WDFY4: variants seen among roughly 807,000 people sequenced by gnomAD.
The protein encoded by WDFY4 is WD repeat- and FYVE domain-containing protein 4.
A neutral mutation model predicts 351.9 loss-of-function variants in WDFY4; 169 were observed. The observed-to-expected ratio is 0.48, with a 90% CI of 0.42 to 0.55. The LOEUF is 0.55. Among genes scored for constraint, WDFY4 ranks in the 20% least tolerant of loss-of-function variants. WDFY4 has a pLI of 0.00. For synonymous variants in WDFY4, 1,622 were observed against 1,574.6 expected (o/e 1.03, Z -0.71); for missense variants, 3,803 against 3,935.6 (o/e 0.97, Z 0.90).
chr10:48,960,226 A>G (rs1458508932), intron 53 of WDFY4, among the ~76,000 whole-genome samples: 2 of 152,238 alleles, frequency 1.3e-5, no homozygotes, highest in East Asian at 1.9e-4. Context: ...CTTATTACCC[A>G]AAAAACTGGA....
At chr10:48,720,190 G>A in intron 3 of WDFY4, 65 bp downstream of exon 3, 1 of 1,460,706 alleles carries the variant, frequency 6.8e-7, no homozygotes, top group South Asian at 1.2e-5. Context: ...TGCCCTCCCA[G>A]GCCTCTCAGG....
chr10:48,914,023 A>C, intron 47 of WDFY4: 1 of 1,614,190 alleles, frequency 6.2e-7, no homozygotes, highest in Non-Finnish European at 8.5e-7. Flanking sequence ...CGCAGAATAC[A>C]CTTGGGGAAG....
chr10:48,812,258 C>T (rs757982396), intron 30 of WDFY4, among the ~76,000 whole-genome samples: 10 of 143,734 alleles, frequency 7.0e-5, no homozygotes, highest in African/African-American at 2.5e-4. Context: ...GGCGTGATCT[C>T]GGCTCACTGC....
intron 1 of WDFY4, among the ~76,000 whole-genome samples, chr10:48,693,723 G>T (rs1490805205): frequency 6.6e-6 from 1 of 152,180 alleles, no homozygotes; most frequent in Non-Finnish European, 1.5e-5. Context: ...CAGCTTGGAG[G>T]CTGAAGCCCC....
intron 1 of WDFY4, among the ~76,000 whole-genome samples, chr10:48,708,367 A>G (rs2063686492): frequency 6.6e-6 from 1 of 152,170 alleles, no homozygotes; most frequent in South Asian, 2.1e-4. Flanking sequence ...ATAAAGCATG[A>G]TGTAACCCAA....
intron 3 of WDFY4, among the ~76,000 whole-genome samples, chr10:48,720,729 T>C (rs911557427): frequency 6.6e-6 from 1 of 152,164 alleles, no homozygotes; most frequent in Admixed American, 6.5e-5. Context: ...GTGTGTTCAG[T>C]GGAGCTCTTG....
At chr10:48,945,907 C>T in intron 49 of WDFY4, 133 bp from the exon 50 acceptor site, 1 of 575,970 alleles carries the variant, frequency 1.7e-6, no homozygotes, top group Non-Finnish European at 2.9e-6. Flanking sequence ...CCCCAGCCTG[C>T]CAGCTAACCA....
At chr10:48,703,338 A>C (rs184757193) in intron 1 of WDFY4, among the ~76,000 whole-genome samples, 3 of 152,240 alleles carry the variant, frequency 2.0e-5, no homozygotes, top group Admixed American at 1.3e-4. Flanking sequence ...CCACTATTCT[A>C]TTTTGTATCA....
chr10:48,716,603 G>T (rs1267609084), intron 2 of WDFY4, among the ~76,000 whole-genome samples: 1 of 152,108 alleles, frequency 6.6e-6, no homozygotes, highest in South Asian at 2.1e-4. Context: ...AAGAGTTAAC[G>T]CAGCTTCCAG....
intron 10 of WDFY4, among the ~76,000 whole-genome samples, chr10:48,735,585 T>C (rs2064630114): frequency 6.6e-6 from 1 of 152,200 alleles, no homozygotes; most frequent in African/African-American, 2.4e-5. Flanking sequence ...TATTTCTCCT[T>C]TCTTGAATGT....
chr10:48,803,425 C>T, intron 25 of WDFY4, 66 bp downstream of exon 25: 4 of 1,486,788 alleles, frequency 2.7e-6, no homozygotes, highest in Non-Finnish European at 3.7e-6. Context: ...AGAGACAGGG[C>T]AGGGTGGCCA....
chr10:48,855,922 C>T (rs980462020), intron 39 of WDFY4, among the ~76,000 whole-genome samples: 10 of 152,040 alleles, frequency 6.6e-5, no homozygotes. Context: ...ATAGATTAAA[C>T]TTTATCATAG....
At chr10:48,769,305 AT>A (rs2065782958) in intron 13 of WDFY4, among the ~76,000 whole-genome samples, 5 of 152,238 alleles carry the variant, frequency 3.3e-5, no homozygotes, top group Admixed American at 2.0e-4. Flanking sequence ...CTGAGGGACC[AT>A]GGCAAAATGG....
chr10:48,963,185 G>A (rs995659627), intron 53 of WDFY4, among the ~76,000 whole-genome samples: 1 of 152,244 alleles, frequency 6.6e-6, no homozygotes, highest in Non-Finnish European at 1.5e-5. Context: ...GTGTTCATGG[G>A]AGGAAACAAC....
At chr10:48,955,933 C>A (rs1026421936) in intron 51 of WDFY4, among the ~76,000 whole-genome samples, 1 of 152,140 alleles carries the variant, frequency 6.6e-6, no homozygotes, top group African/African-American at 2.4e-5. Flanking sequence ...TTTTGTTATA[C>A]AAAGGCCCAG....
chr10:48,823,323 T>C (rs2067891314), intron 35 of WDFY4: 3 of 1,282,248 alleles, frequency 2.3e-6, no homozygotes, highest in Non-Finnish European at 3.1e-6. Context: ...GAAAGAACTT[T>C]CTGTTATCAA....
At chr10:48,807,743 C>A in intron 27 of WDFY4, 116 bp from the exon 28 acceptor site, 1 of 1,210,740 alleles carries the variant, frequency 8.3e-7, no homozygotes, top group African/African-American at 1.5e-5. Context: ...TTTTGAGTCC[C>A]AGCCATGCCA....
chr10:48,777,187 C>T (rs1258112548), intron 16 of WDFY4, among the ~76,000 whole-genome samples: 3 of 152,212 alleles, frequency 2.0e-5, no homozygotes, highest in Non-Finnish European at 4.4e-5. Context: ...ACCCTCTTTT[C>T]CCTGGTGTGG....
intron 47 of WDFY4, among the ~76,000 whole-genome samples, chr10:48,936,433 TA>T (rs1840363978): frequency 6.6e-6 from 1 of 152,054 alleles, no homozygotes; most frequent in Non-Finnish European, 1.5e-5. Flanking sequence ...AAATTGAAAT[TA>T]AATAATATAA....
Sources: allele counts gnomAD v4.1 joint callset (sites outside exome capture counted in the v4.1 genomes callset), GRCh38; gene constraint gnomAD v4.1.1; transcripts MANE v1.5; gene names NCBI Gene and HGNC (gene_info 2026-07-23, HGNC 2026-07-21).